Variants in ENOX2 observed in about 807,000 individuals in gnomAD.
The protein encoded by ENOX2 is APK1 antigen.
In ENOX2, 36 loss-of-function variants were observed where a neutral mutation model predicts 45.0. That is an observed-to-expected ratio of 0.80 (90% CI 0.61 to 1.06). The LOEUF (loss-of-function observed/expected upper bound fraction) is 1.06, where lower values mean the gene tolerates loss of function less well. ENOX2 is among the 50% of genes least tolerant of loss of function. The pLI is 0.00. For missense variants in ENOX2, 423 were observed against 462.5 expected, an observed-to-expected ratio of 0.91 and a Z score of 0.78; for synonymous variants, 174 against 152.3, an observed-to-expected ratio of 1.14 and a Z score of -1.05.
chrX:130,776,372 C>A (rs1370152437), intron 3 of ENOX2, among the ~76,000 whole-genome samples: 1 of 111,193 alleles, frequency 9.0e-6, no homozygotes, highest in African/African-American at 3.3e-5. Context: ...GGAGGTGGGG[C>A]CTGGTGAGAG....
At chrX:130,637,783 T>C (rs1330316226) in intron 10 of ENOX2, among the ~76,000 whole-genome samples, 3 of 112,219 alleles carry the variant, frequency 2.7e-5, no homozygotes, top group Non-Finnish European at 3.8e-5. Context: ...GAATGCAGCA[T>C]TGAGAAACTT....
chrX:130,773,193 C>T lies in ENOX2; in HGVS notation c.-39+10354G>A, dbSNP rs190552203. Among the ~76,000 whole-genome samples the T allele has an allele frequency of 1.8e-3, 199 of 111,691 alleles. 1 individual carries two copies. Among genetic ancestry groups the T allele is most frequent in the African/African-American group, 5.9e-3 (183 of 30,763 alleles). The stretch of plus-strand genomic sequence containing the variant: ...AACCAGGCACTAAGCACTATTTATT[C>T]GTTTTCTCACTGAATCCTAAAACAA... On this transcript the variant is annotated intron_variant, in intron 3 of 14. Coordinates refer to ENST00000394363, the MANE Select transcript of ENOX2 (RefSeq NM_006375.4).
chrX:130,892,287 C>T (rs1301258165), intron 2 of ENOX2, among the ~76,000 whole-genome samples: 1 of 112,417 alleles, frequency 8.9e-6, no homozygotes, highest in Non-Finnish European at 1.9e-5. Context: ...GGTAAATCAG[C>T]ATATTCATGA....
intron 2 of ENOX2, among the ~76,000 whole-genome samples, chrX:130,873,639 C>G: frequency 9.0e-6 from 1 of 111,699 alleles, no homozygotes; most frequent in Non-Finnish European, 1.9e-5. Context: ...GACTTGGAAC[C>G]AACACAAATG....
At chrX:130,866,655 T>C (rs780568526) in intron 2 of ENOX2, among the ~76,000 whole-genome samples, 2 of 111,767 alleles carry the variant, frequency 1.8e-5, no homozygotes, top group African/African-American at 6.5e-5. Flanking sequence ...TATGCTCAAG[T>C]CTCTCGTTCC....
rs759582186 is a variant in ENOX2 at position 130,822,067 on chromosome X, CAAAAAAA to C, written c.-182-38384_-182-38378del. Among the ~76,000 whole-genome samples, 3 of 19,140 alleles carry C rather than the reference CAAAAAAA, an allele frequency of 1.6e-4. No homozygotes were observed. The South Asian group carries it at 9.7e-3, about 62-fold the overall frequency. The allele number at this position is 19,140 out of a possible 115,157, so 16.6% of individuals were successfully genotyped here. The stretch of plus-strand genomic sequence containing the variant: ...TGGGTGACAGAGTGAGACTCCGTCT[CAAAAAAA>C]AAAAAAAAAAAAAAAAAGAGAGAGA... On this transcript the variant is annotated intron_variant, in intron 2 of 14. Transcript: ENST00000394363.
intron 2 of ENOX2, among the ~76,000 whole-genome samples, chrX:130,818,673 T>C (rs769356539): frequency 1.8e-5 from 2 of 111,550 alleles, no homozygotes; most frequent in Admixed American, 1.9e-4. Flanking sequence ...TAATAAATGG[T>C]ATTGGAAAAA....
chrX:130,747,424 C>T (rs926246705), intron 3 of ENOX2, among the ~76,000 whole-genome samples: 2 of 111,990 alleles, frequency 1.8e-5, no homozygotes, highest in Admixed American at 1.9e-4. Flanking sequence ...CCTTTCAACA[C>T]CAAGGGTTTC....
chrX:130,706,505 A>T (rs2038041173), intron 3 of ENOX2, among the ~76,000 whole-genome samples: 2 of 111,466 alleles, frequency 1.8e-5, no homozygotes. Flanking sequence ...AGCACCAAGC[A>T]TTTACCACCG....
rs143656775 is a variant in ENOX2 at position 130,887,142 on chromosome X, G to T, written c.-183+14542C>A. ...ATTTGTCCTTCAGTACAGTTGAACT[G>T]AAGGAAAAATAAAAGAAAGAAATGC... On this transcript the variant is annotated intron_variant, in intron 2 of 14. Coordinates refer to ENST00000394363, the MANE Select transcript of ENOX2 (RefSeq NM_006375.4). 9.3e-3 allele frequency among the ~76,000 whole-genome samples: 1,041 copies of T among 111,542 alleles called. 17 individuals are homozygous for T. The highest frequency in any genetic ancestry group is 0.032 in the African/African-American group (980 of 30,684).
At chrX:130,900,689 C>G (rs936316650) in intron 2 of ENOX2, among the ~76,000 whole-genome samples, 8 of 112,265 alleles carry the variant, frequency 7.1e-5, no homozygotes, top group Admixed American at 4.7e-4. Context: ...AACTCACTAT[C>G]CTTCAAGACC....
intron 3 of ENOX2, among the ~76,000 whole-genome samples, chrX:130,751,990 A>C (rs2039232075): frequency 9.0e-6 from 1 of 111,423 alleles, no homozygotes; most frequent in Non-Finnish European, 1.9e-5. Context: ...ATGGTTTGCA[A>C]ATATTTTCTC....
intron 3 of ENOX2, among the ~76,000 whole-genome samples, chrX:130,761,312 T>C (rs1367185833): frequency 1.8e-5 from 2 of 111,742 alleles, no homozygotes; most frequent in Non-Finnish European, 3.8e-5. Context: ...GATTTGATTT[T>C]GGGAGATTTT....
At chrX:130,752,221 A>C (rs2039239719) in intron 3 of ENOX2, among the ~76,000 whole-genome samples, 1 of 103,237 alleles carries the variant, frequency 9.7e-6, no homozygotes, top group East Asian at 3.0e-4. Context: ...TGTTTCCTCT[A>C]TTTCCCTGCA....
intron 2 of ENOX2, among the ~76,000 whole-genome samples, chrX:130,898,899 A>C (rs780835041): frequency 9.0e-6 from 1 of 110,854 alleles, no homozygotes; most frequent in South Asian, 3.9e-4. Context: ...TCTGATACAT[A>C]TTGACGAATT....
intron 4 of ENOX2, among the ~76,000 whole-genome samples, 176 bp downstream of exon 4, chrX:130,702,944 C>T (rs749693516): frequency 1.8e-5 from 2 of 112,022 alleles, no homozygotes; most frequent in African/African-American, 3.2e-5. Context: ...AAGTGCAAAA[C>T]GGAGTATACT....
chrX:130,649,134 A>G (rs2036332429), intron 10 of ENOX2, among the ~76,000 whole-genome samples: 1 of 101,016 alleles, frequency 9.9e-6, no homozygotes, highest in South Asian at 4.7e-4. Flanking sequence ...CTCTGCCTAC[A>G]CTGGCTCCCC....
rs765298432 is a variant in ENOX2 at position 130,813,838 on chromosome X, C to T, written c.-182-30148G>A. ...AGTGGGCGGCCGTTTGGGCAGACACCGAACTAGCTGCAGTTTTGTTTTCAT... is the reference window on the plus strand; with the variant it reads ...AGTGGGCGGCCGTTTGGGCAGACACTGAACTAGCTGCAGTTTTGTTTTCAT... On this transcript the variant is annotated intron_variant, in intron 2 of 14. Transcript: ENST00000394363. Among the ~76,000 whole-genome samples the T allele has an allele frequency of 4.5e-5, 5 of 112,004 alleles. No homozygotes were observed. In the South Asian group the frequency reaches 1.5e-3, roughly 34 times the overall value.
intron 4 of ENOX2, among the ~76,000 whole-genome samples, chrX:130,701,206 T>C (rs1047391575): frequency 9.0e-6 from 1 of 111,331 alleles, no homozygotes; most frequent in African/African-American, 3.3e-5. Flanking sequence ...GTGGCCTCAA[T>C]ATTTTTCCTG....
Sources: allele counts gnomAD v4.1 joint callset (sites outside exome capture counted in the v4.1 genomes callset), GRCh38; gene constraint gnomAD v4.1.1; transcripts MANE v1.5; gene names NCBI Gene and HGNC (gene_info 2026-07-23, HGNC 2026-07-21).